The following AP3B1 variants were observed in gnomAD, a reference collection of about 807,000 sequenced individuals.
The protein encoded by AP3B1 is AP-3 complex subunit beta-1.
A neutral mutation model predicts 132.5 loss-of-function variants in AP3B1; 61 were observed. That is an observed-to-expected ratio of 0.46 (90% CI 0.37 to 0.57). The LOEUF is 0.57. Among genes scored for constraint, AP3B1 ranks in the 20% least tolerant of loss-of-function variants. AP3B1 has a pLI of 0.00. For synonymous variants in AP3B1, 388 were observed against 438.3 expected (o/e 0.89, Z 1.43); for missense variants, 1,120 against 1,289.4 (o/e 0.87, Z 2.01).
intron 15 of AP3B1, among the ~76,000 whole-genome samples, chr5:78,139,748 CAG>C (rs1381444938): frequency 1.3e-5 from 2 of 151,936 alleles, no homozygotes; most frequent in Non-Finnish European, 2.9e-5. Flanking sequence ...GAAAGGCAGA[CAG>C]AGAGGGAGAC....
At chr5:78,276,024 A>C (rs186865460) in intron 1 of AP3B1, among the ~76,000 whole-genome samples, 279 of 152,314 alleles carry the variant, frequency 1.8e-3, no homozygotes, top group African/African-American at 6.2e-3. Flanking sequence ...AATAGAAACC[A>C]ATACTTAAAA....
At chr5:78,282,844 C>G in intron 1 of AP3B1, among the ~76,000 whole-genome samples, 1 of 116,316 alleles carries the variant, frequency 8.6e-6, no homozygotes, top group African/African-American at 3.1e-5. Context: ...AGACTTGTCT[C>G]TACCAAAAAA....
chr5:78,252,044 C>T (rs1561200588), intron 2 of AP3B1, among the ~76,000 whole-genome samples: 1 of 152,128 alleles, frequency 6.6e-6, no homozygotes, highest in East Asian at 1.9e-4. Context: ...CATTCCAGGA[C>T]CTAACTACTC....
chr5:78,136,967 A>G (rs1449982034), intron 15 of AP3B1, among the ~76,000 whole-genome samples: 2 of 152,178 alleles, frequency 1.3e-5, no homozygotes, highest in Admixed American at 1.3e-4. Flanking sequence ...TGTAAGTGGC[A>G]CAACATGATT....
chr5:78,227,824 T>C (rs541915157), intron 4 of AP3B1, among the ~76,000 whole-genome samples: 19 of 152,326 alleles, frequency 1.2e-4, no homozygotes, highest in Non-Finnish European at 2.6e-4. Flanking sequence ...CTGCAGGTCA[T>C]CAATTTCATG....
At chr5:78,065,846 C>A (rs1749267457) in intron 22 of AP3B1, among the ~76,000 whole-genome samples, 1 of 152,298 alleles carries the variant, frequency 6.6e-6, no homozygotes, top group East Asian at 1.9e-4. Flanking sequence ...GGTCCCTGAT[C>A]CTGTGCTCCC....
intron 17 of AP3B1, among the ~76,000 whole-genome samples, chr5:78,127,798 G>A (rs748068364): frequency 1.2e-4 from 18 of 152,282 alleles, no homozygotes; most frequent in Middle Eastern, 3.4e-3. Context: ...CACTGATGCA[G>A]AGAATTCAGT....
intron 7 of AP3B1, among the ~76,000 whole-genome samples, chr5:78,212,335 G>C (rs6453374): frequency 6.6e-6 from 1 of 152,138 alleles, no homozygotes; most frequent in South Asian, 2.1e-4. Flanking sequence ...AAGCCATTAA[G>C]TATAAAGCAT....
At chr5:78,163,199 G>A (rs1229995688) in intron 12 of AP3B1, among the ~76,000 whole-genome samples, 1 of 152,106 alleles carries the variant, frequency 6.6e-6, no homozygotes, top group Admixed American at 6.6e-5. Context: ...AGTGGCTTGA[G>A]ACTCCAAAAC....
chr5:78,219,232 C>A (rs72776486), intron 6 of AP3B1, among the ~76,000 whole-genome samples: 32,962 of 151,590 alleles, frequency 0.22, 3,674 homozygotes, highest in Admixed American at 0.28. Flanking sequence ...TCAGAAAGTT[C>A]GATGTTATCA....
intron 12 of AP3B1, 90 bp downstream of exon 12, chr5:78,165,520 A>G: frequency 1.1e-6 from 1 of 903,888 alleles, no homozygotes; most frequent in Non-Finnish European, 1.8e-6. Flanking sequence ...TTTTATGTAC[A>G]TAATTACATA....
chr5:78,136,144 A>T (rs1045404936), intron 15 of AP3B1, among the ~76,000 whole-genome samples: 3 of 152,090 alleles, frequency 2.0e-5, no homozygotes, highest in African/African-American at 7.2e-5. Context: ...TAGTTTCTTT[A>T]CTGTAAATCA....
At chr5:78,157,700 A>G (rs1743207214) in intron 13 of AP3B1, among the ~76,000 whole-genome samples, 1 of 152,178 alleles carries the variant, frequency 6.6e-6, no homozygotes, top group African/African-American at 2.4e-5. Flanking sequence ...CCTGGCATAC[A>G]CTACAAAGGT....
At chr5:78,035,405 G>A (rs1056880952) in intron 23 of AP3B1, among the ~76,000 whole-genome samples, 12 of 151,934 alleles carry the variant, frequency 7.9e-5, no homozygotes, top group Non-Finnish European at 1.2e-4. Flanking sequence ...CCTATCACAC[G>A]TAGTTATATT....
intron 1 of AP3B1, among the ~76,000 whole-genome samples, chr5:78,285,159 G>A (rs1296024227): frequency 6.6e-6 from 1 of 151,648 alleles, no homozygotes; most frequent in Non-Finnish European, 1.5e-5. Flanking sequence ...TGAGGCAGGA[G>A]AATGGCGTGA....
intron 2 of AP3B1, among the ~76,000 whole-genome samples, chr5:78,253,957 C>CAAAAAA (rs35713067): frequency 2.1e-5 from 2 of 93,916 alleles, no homozygotes; most frequent in African/African-American, 9.0e-5. Context: ...GACTCCACCT[C>CAAAAAA]AAAAAAAAAA....
At chr5:78,003,549 A>T (rs2112029371) in intron 26 of AP3B1, 1 of 443,378 alleles carries the variant, frequency 2.3e-6, no homozygotes, top group South Asian at 9.6e-5. Flanking sequence ...TAAAATTCTT[A>T]CTAAGTTTCA....
intron 22 of AP3B1, among the ~76,000 whole-genome samples, chr5:78,082,070 C>A (rs1418824194): frequency 2.0e-5 from 3 of 152,148 alleles, no homozygotes. Flanking sequence ...TTCTGCAGAT[C>A]CTGGTGCTTC....
intron 2 of AP3B1, among the ~76,000 whole-genome samples, chr5:78,252,382 T>C (rs1363588442): frequency 6.6e-6 from 1 of 152,154 alleles, no homozygotes; most frequent in African/African-American, 2.4e-5. Context: ...AGTGGGCTCT[T>C]AGCGTCTTCA....
Sources: allele counts gnomAD v4.1 joint callset (sites outside exome capture counted in the v4.1 genomes callset), GRCh38; gene constraint gnomAD v4.1.1; transcripts MANE v1.5; gene names NCBI Gene and HGNC (gene_info 2026-07-23, HGNC 2026-07-21).